The following SCLY variants were observed in gnomAD, a reference collection of about 807,000 sequenced individuals.
SCLY encodes putative selenocysteine lyase.
SCLY carries 38 observed loss-of-function variants against 50.1 expected under a neutral mutation model. The observed-to-expected ratio is 0.76, with a 90% CI of 0.59 to 0.99. The LOEUF is 0.99. SCLY is among the 50% of genes least tolerant of loss of function. SCLY has a pLI of 0.00. For synonymous variants in SCLY, 243 were observed against 249.4 expected (o/e 0.97, Z 0.24); for missense variants, 600 against 620.0 (o/e 0.97, Z 0.34).
chr2:238,088,004 A>G (rs1004888300), intron 7 of SCLY, among the ~76,000 whole-genome samples: 1 of 152,170 alleles, frequency 6.6e-6, no homozygotes, highest in Admixed American at 6.5e-5. Flanking sequence ...AGATAGGAGG[A>G]TTGCTTGAGT....
intron 1 of SCLY, among the ~76,000 whole-genome samples, chr2:238,061,831 A>C (rs821483): frequency 0.4 from 61,162 of 152,008 alleles, 12,661 homozygotes; most frequent in East Asian, 0.71. Flanking sequence ...CGTGGTATCC[A>C]TACTAGTTAA....
rs1265008061 is a variant in SCLY at position 238,098,606 on chromosome 2, G to GAACC, written c.*251_*252insAACC. ...CCGCCCACATAGGACCGCCCACATA[G>GAACC]GACCGCCCACATGGGACCGCCCACA... On this transcript the variant is annotated 3_prime_UTR_variant, in exon 12 of 12. Transcript: ENST00000254663. 11 of 410,864 alleles carry GAACC rather than the reference G, an allele frequency of 2.7e-5. 1 individual carries two copies. In the South Asian group the frequency reaches 3.9e-4, roughly 15 times the overall value. The allele number at this position is 410,864 out of a possible 1,614,324, so 25.5% of individuals were successfully genotyped here.
rs768274271 is a variant in SCLY, at chr2:238,098,315, A to T, written c.1298A>T (p.Asp433Val). The change falls in exon 12 of 12, where the codon GAC becomes GTC. Residue 433 changes from aspartate (D) to valine (V), a missense_variant. Asp to Val is a radical substitution (Grantham distance 152). Transcript: ENST00000254663. ...GCCGAGGTGGACCTCGTCGTGCAGG[A>T]CCTGAAGCAGGCCGTGGCGCAGCTG... ...TRAEVDLVVQ[D>V]LKQAVAQLED... The T allele has an allele frequency of 6.2e-7, 1 of 1,606,818 alleles. No individual in the cohort carries two copies.
chr2:238,098,395 G>A lies in SCLY; in HGVS notation c.*40G>A, dbSNP rs1166129711. 3 of 1,548,682 alleles carry A rather than the reference G, an allele frequency of 1.9e-6. No individual in the cohort carries two copies. Among genetic ancestry groups the A allele is most frequent in the Non-Finnish European group, 1.7e-6 (2 of 1,151,062 alleles). Reference sequence around the variant, plus strand: ...TCCCCACCCCGCTTCTGGGAAGCCCGTGGCAGGGCACAGGGTTGTCCCTCC... The same window carrying A: ...TCCCCACCCCGCTTCTGGGAAGCCCATGGCAGGGCACAGGGTTGTCCCTCC... On this transcript the variant is annotated 3_prime_UTR_variant, in exon 12 of 12. Transcript: ENST00000254663.
chr2:238,094,364 T>C (rs905227231), intron 9 of SCLY, 56 bp from the exon 10 acceptor site: 1 of 1,404,802 alleles, frequency 7.1e-7, no homozygotes, highest in Admixed American at 1.8e-5. Context: ...TTTCAAACAG[T>C]TGCTGGTGGT....
At position 238,094,522 on chromosome 2, in the gene SCLY, G is replaced by C. The variant is rs1559252219; in HGVS notation, c.1108G>C (p.Gly370Arg). The C allele has an allele frequency of 3.7e-6, 6 of 1,612,856 alleles. No individual in the cohort carries two copies. Among genetic ancestry groups the C allele is most frequent in the Non-Finnish European group, 5.1e-6 (6 of 1,178,972 alleles). The change falls in exon 10 of 12, where the codon GGC becomes CGC. Residue 370 changes from glycine to arginine, a missense_variant and splice_region_variant. Gly to Arg is a moderately radical substitution (Grantham distance 125). Coordinates refer to ENST00000254663, the MANE Select transcript of SCLY (RefSeq NM_016510.7). Reference sequence around the variant, plus strand: ...TTCCATCCGGGGACCCCGGCTTCAAGGTGATGGCCCCTCACCCTGGTCTTT... The same window carrying C: ...TTCCATCCGGGGACCCCGGCTTCAACGTGATGGCCCCTCACCCTGGTCTTT... ...NFSIRGPRLQ[G>R]HVVLAQCRVL...
In SCLY at chr2:238,064,434, A is replaced by C. The variant is rs2065049567; in HGVS notation, c.167A>C (p.Glu56Ala). Residue 56 changes from glutamate (E) to alanine (A), a missense_variant, in exon 2 of 12, where the codon GAA becomes GCA. Glu to Ala is a moderately radical substitution (Grantham distance 107). Transcript: ENST00000254663. ...CAGGCCATGACCAAGGCCATGTGGG[A>C]AGCCTGGGGAAATCCCAGCAGCCCG... The part of the protein sequence containing the change: ...VIQAMTKAMW[E>A]AWGNPSSPYS... The C allele has an allele frequency of 6.2e-7, 1 of 1,610,426 alleles. No homozygotes were observed. The highest frequency in any genetic ancestry group is 1.3e-5 in the African/African-American group (1 of 74,700).
In SCLY at chr2:238,067,936, A is replaced by C; in HGVS notation, c.203-129A>C. 1.6e-6 allele frequency: 1 copy of C among 631,816 alleles called. No individual in the cohort carries two copies. The highest frequency in any genetic ancestry group is 2.7e-6 in the Non-Finnish European group (1 of 366,354). The allele number at this position is 631,816 out of a possible 1,614,324, so 39.1% of individuals were successfully genotyped here. A position where few individuals can be genotyped will look rare whatever the true frequency, so the allele number is the denominator to read the frequency against. The stretch of plus-strand genomic sequence containing the variant: ...TGTAGCATTTTGCTGTGCTCACATT[A>C]AGGGGCCAGGTTTTGTCTTAGAACG... On this transcript the variant is annotated intron_variant, in intron 2 of 11. Transcript: ENST00000254663. This position sits in a 1 kb window ranked among gnomAD's most constrained non-coding sequence, Gnocchi z 4.3.
chr2:238,075,878 A>T (rs557053847), intron 4 of SCLY, among the ~76,000 whole-genome samples: 77 of 152,236 alleles, frequency 5.1e-4, no homozygotes, highest in Non-Finnish European at 9.7e-4. Flanking sequence ...AACCTTTATT[A>T]ACCCATTTAT....
intron 9 of SCLY, 98 bp from the exon 10 acceptor site, chr2:238,094,322 C>A: frequency 1.0e-6 from 1 of 994,326 alleles, no homozygotes; most frequent in Non-Finnish European, 1.6e-6. Context: ...AAGTATGCAC[C>A]TGCTGAAGTT....
chr2:238,090,928 A>C (rs1459156507), intron 7 of SCLY, among the ~76,000 whole-genome samples: 2 of 151,998 alleles, frequency 1.3e-5, no homozygotes, highest in African/African-American at 4.8e-5. Flanking sequence ...GGCCTACAGG[A>C]GGCAGAGTGC....
chr2:238,084,468 G>A (rs1183113905), intron 7 of SCLY, among the ~76,000 whole-genome samples: 2 of 151,366 alleles, frequency 1.3e-5, no homozygotes, highest in South Asian at 2.1e-4. Flanking sequence ...GCGCATGCCT[G>A]TAATCCCAGC....
intron 7 of SCLY, among the ~76,000 whole-genome samples, chr2:238,084,154 G>A (rs2248836): frequency 0.3 from 44,984 of 152,094 alleles, 6,918 homozygotes; most frequent in East Asian, 0.52. Context: ...CACCACCACC[G>A]GGTGTGTCAA....
rs368044398 is a variant in SCLY at position 238,068,117 on chromosome 2, G to A, written c.255G>A (p.Met85Ile). 3.1e-6 allele frequency: 5 copies of A among 1,611,904 alleles called. No individual in the cohort carries two copies. Among genetic ancestry groups the A allele is most frequent in the Non-Finnish European group, 4.2e-6 (5 of 1,179,208 alleles). Residue 85 changes from methionine (M) to isoleucine (I), a missense_variant, in exon 3 of 12, where the codon ATG (methionine) becomes ATA (isoleucine). Transcript: ENST00000254663. ...INAARESLAKMIGGKPQDIIF... is the reference protein window; with the variant it reads ...INAARESLAKIIGGKPQDIIF... Reference sequence around the variant, plus strand: ...CAGCTCGGGAAAGCCTCGCGAAGATGATAGGGGGGAAACCTCAAGATATAA... The same window carrying A: ...CAGCTCGGGAAAGCCTCGCGAAGATAATAGGGGGGAAACCTCAAGATATAA...
At chr2:238,076,239 G>A (rs933475306) in intron 4 of SCLY, among the ~76,000 whole-genome samples, 2 of 151,826 alleles carry the variant, frequency 1.3e-5, no homozygotes, top group Non-Finnish European at 2.9e-5. Context: ...TTACAGACAT[G>A]CACCACCACA....
At chr2:238,075,805 A>G (rs890320879) in intron 4 of SCLY, among the ~76,000 whole-genome samples, 4 of 151,988 alleles carry the variant, frequency 2.6e-5, no homozygotes, top group Non-Finnish European at 5.9e-5. Flanking sequence ...ACTCTTTTTA[A>G]AGAACTAACT....
chr2:238,064,516 T>TG (rs757788136), intron 2 of SCLY, 47 bp downstream of exon 2: 1 of 1,363,782 alleles, frequency 7.3e-7, no homozygotes, highest in Non-Finnish European at 1.0e-6. Context: ...ATAATGGGGA[T>TG]GGGGCGCTCT....
Position 238,098,445 on chromosome 2 carries a change from GGAT to G in SCLY, c.*93_*95del. Reference sequence around the variant, plus strand: ...CAGTTCCCTCCTGAGGGCTGTGCCAGGATGACTGTCTCATGCCCCCTCTGCATT... The same window carrying G: ...CAGTTCCCTCCTGAGGGCTGTGCCAGGACTGTCTCATGCCCCCTCTGCATT... On this transcript the variant is annotated 3_prime_UTR_variant, in exon 12 of 12. Transcript: ENST00000254663. 7.3e-7 allele frequency: 1 copy of G among 1,375,564 alleles called. No individual in the cohort carries two copies. The highest frequency in any genetic ancestry group is 1.4e-5 in the South Asian group (1 of 70,218). The allele number at this position is 1,375,564 out of a possible 1,614,324, so 85.2% of individuals were successfully genotyped here.
intron 6 of SCLY, chr2:238,082,848 C>T: frequency 3.3e-6 from 1 of 306,184 alleles, no homozygotes. Context: ...CAGTTGGAAA[C>T]ATGGAATCAT....
Sources: gnomAD v4.1 joint callset for allele counts (sites outside exome capture counted in the v4.1 genomes callset) on GRCh38, gnomAD v4.1.1 for gene constraint, Gnocchi (gnomAD v3.1) non-coding constraint, MANE v1.5 for transcripts, NCBI Gene and HGNC (gene_info 2026-07-23, HGNC 2026-07-21) for gene names.